Variants in CLDN10 observed in about 807,000 individuals in gnomAD.
CLDN10 encodes the protein claudin 10.
Under a neutral mutation model 22.9 loss-of-function variants are expected in CLDN10, and 15 were observed. The observed-to-expected ratio is 0.65, with a 90% confidence interval of 0.44 to 1.01. CLDN10 has a LOEUF of 1.01. CLDN10 is among the 50% of genes least tolerant of loss of function. The pLI is 0.00. For missense variants in CLDN10, 247 were observed against 287.8 expected (o/e 0.86, Z 1.03); for synonymous variants, 114 against 111.4 (o/e 1.02, Z -0.15).
At chr13:95,561,805 A>C (rs2043716604) in intron 3 of CLDN10, among the ~76,000 whole-genome samples, 2 of 139,492 alleles carry the variant, frequency 1.4e-5, no homozygotes, top group African/African-American at 2.7e-5. Flanking sequence ...TCTTTCTGTC[A>C]CTCAGGCTGG....
chr13:95,527,370 ATG>A (rs1298877507), intron 1 of CLDN10, among the ~76,000 whole-genome samples: 1 of 152,204 alleles, frequency 6.6e-6, no homozygotes, highest in East Asian at 1.9e-4. Context: ...ACAAATACAA[ATG>A]TGTGTGTCTC....
intron 1 of CLDN10, among the ~76,000 whole-genome samples, chr13:95,502,114 G>T (rs758587131): frequency 6.6e-6 from 1 of 151,970 alleles, no homozygotes; most frequent in African/African-American, 2.4e-5. Flanking sequence ...TTTTACTTCC[G>T]CACATGTTAA....
At position 95,560,261 on chromosome 13, in the gene CLDN10, C is replaced by T. The variant is rs369800452; in HGVS notation, c.350C>T (p.Ala117Val). The T allele has an allele frequency of 2.5e-6, 4 of 1,614,168 alleles. No homozygotes were observed. Among genetic ancestry groups the T allele is most frequent in the Non-Finnish European group, 3.4e-6 (4 of 1,180,008 alleles). ...GGSDKAKAKI[A>V]CLAGIVFILS... ...TCCGATAAAGCCAAAGCTAAAATTG[C>T]TTGTTTGGCTGGGATTGTATTCATA... The change falls in exon 2 of 5, where the codon GCT (alanine) becomes GTT (valine). Residue 117 changes from alanine (A) to valine (V), a missense_variant. Physicochemically the swap from Ala to Val is moderately conservative, Grantham distance 64. Coordinates refer to ENST00000299339, the MANE Select transcript of CLDN10 (RefSeq NM_006984.5).
At chr13:95,536,861 C>G (rs2138616388) in intron 1 of CLDN10, among the ~76,000 whole-genome samples, 1 of 152,274 alleles carries the variant, frequency 6.6e-6, no homozygotes, top group South Asian at 2.1e-4. Context: ...GCGCAAATTT[C>G]TCATGAAATA....
intron 1 of CLDN10, among the ~76,000 whole-genome samples, chr13:95,519,152 G>T (rs2043199754): frequency 1.3e-5 from 2 of 152,190 alleles, no homozygotes. Context: ...GTTCATTAGA[G>T]CTTGGTGTAT....
chr13:95,508,536 T>G (rs898327117), intron 1 of CLDN10, among the ~76,000 whole-genome samples: 1 of 152,182 alleles, frequency 6.6e-6, no homozygotes, highest in Non-Finnish European at 1.5e-5. Flanking sequence ...TAAGTGCTAG[T>G]AAAAAGGGAC....
chr13:95,508,679 C>A (rs74346807), intron 1 of CLDN10, among the ~76,000 whole-genome samples: 2,481 of 152,200 alleles, frequency 0.016, 66 homozygotes, highest in African/African-American at 0.056. Context: ...GAAGAGGGAG[C>A]GATATCTGGA....
chr13:95,464,348 G>A lies in CLDN10; in HGVS notation c.214+30301G>A, dbSNP rs182005287. Among the ~76,000 whole-genome samples the A allele has an allele frequency of 3.5e-3, 539 of 152,076 alleles. 5 individuals carry two copies. Among genetic ancestry groups the A allele is most frequent in the South Asian group, 0.012 (57 of 4,820 alleles). The stretch of plus-strand genomic sequence containing the variant: ...TTCCCACCTATGAGTGAGAACATGC[G>A]GTGTTTGGTTTTTTGTCCTTGCGAT... On this transcript the variant is annotated intron_variant, in intron 1 of 4. Coordinates refer to the CLDN10 transcript ENST00000376873.
At chr13:95,476,905 T>C (rs2042690530) in intron 1 of CLDN10, among the ~76,000 whole-genome samples, 1 of 152,130 alleles carries the variant, frequency 6.6e-6, no homozygotes, top group African/African-American at 2.4e-5. Flanking sequence ...CAACAGTCAC[T>C]GATTGTGCTC....
intron 3 of CLDN10, among the ~76,000 whole-genome samples, chr13:95,562,816 A>G (rs2043732162): frequency 6.6e-6 from 1 of 152,200 alleles, no homozygotes. Context: ...TATCTTAAAA[A>G]TCATTGGACT....
intron 1 of CLDN10, among the ~76,000 whole-genome samples, chr13:95,485,048 G>A (rs2042791052): frequency 6.6e-6 from 1 of 152,090 alleles, no homozygotes; most frequent in Non-Finnish European, 1.5e-5. Flanking sequence ...GATGAGATGG[G>A]CAGCAGGTAA....
intron 3 of CLDN10, among the ~76,000 whole-genome samples, chr13:95,563,095 A>ACTCTCTCT (rs34473629): frequency 0.039 from 4,967 of 127,998 alleles, 150 homozygotes; most frequent in Middle Eastern, 0.07. Flanking sequence ...CTGCCTACCC[A>ACTCTCTCT]CTCTCTCTCT....
At chr13:95,485,824 G>T (rs2042798428) in intron 1 of CLDN10, among the ~76,000 whole-genome samples, 1 of 152,168 alleles carries the variant, frequency 6.6e-6, no homozygotes, top group Non-Finnish European at 1.5e-5. Context: ...CAGGATAAGT[G>T]CCTGGATGGC....
chr13:95,502,449 T>C (rs1211201326), intron 1 of CLDN10, among the ~76,000 whole-genome samples: 1 of 152,196 alleles, frequency 6.6e-6, no homozygotes, highest in East Asian at 1.9e-4. Flanking sequence ...CCACTTCAAC[T>C]GTTGCCAGGA....
intron 1 of CLDN10, among the ~76,000 whole-genome samples, chr13:95,492,554 G>C (rs935533619): frequency 1.2e-4 from 18 of 152,132 alleles, no homozygotes; most frequent in African/African-American, 4.1e-4. Context: ...CTGGTGGAGG[G>C]TGAGATGGGC....
intron 1 of CLDN10, among the ~76,000 whole-genome samples, chr13:95,531,787 A>G (rs1440593843): frequency 6.6e-6 from 1 of 151,028 alleles, no homozygotes; most frequent in Non-Finnish European, 1.5e-5. Context: ...CACCCATCTC[A>G]GCCTCCCAAA....
intron 1 of CLDN10, among the ~76,000 whole-genome samples, chr13:95,515,302 G>T (rs147462502): frequency 3.3e-5 from 5 of 152,086 alleles, no homozygotes. Context: ...GGGTTCAAGC[G>T]ATTCTCATGC....
chr13:95,498,237 T>C (rs776477393), intron 1 of CLDN10, among the ~76,000 whole-genome samples: 13 of 152,166 alleles, frequency 8.5e-5, no homozygotes, highest in Non-Finnish European at 1.2e-4. Context: ...CATTGAATCC[T>C]CCAGGGATCC....
intron 1 of CLDN10, among the ~76,000 whole-genome samples, chr13:95,529,247 T>C (rs1358477297): frequency 1.3e-5 from 2 of 152,198 alleles, no homozygotes; most frequent in Non-Finnish European, 2.9e-5. Flanking sequence ...CTCTTTTTGC[T>C]CTGTTGATCC....
Sources: gnomAD v4.1 joint callset for allele counts (sites outside exome capture counted in the v4.1 genomes callset) on GRCh38, gnomAD v4.1.1 for gene constraint, MANE v1.5 for transcripts, NCBI Gene and HGNC (gene_info 2026-07-23, HGNC 2026-07-21) for gene names.